The following COPG2 variants were observed in gnomAD, a reference collection of about 807,000 sequenced individuals.
COPG2 encodes the protein coatomer subunit gamma-2.
COPG2 carries 37 observed loss-of-function variants against 46.3 expected under a neutral mutation model. The ratio of observed to expected loss-of-function variants is 0.80; its 90% CI spans 0.61 to 1.05. The LOEUF is 1.05. Ranked by LOEUF, COPG2 falls within the 50% of genes least tolerant of loss-of-function variation. The pLI is 0.00. For synonymous variants in COPG2, 159 were observed against 129.7 expected, an observed-to-expected ratio of 1.23 and a Z score of -1.53; for missense variants, 427 against 387.8, an observed-to-expected ratio of 1.10 and a Z score of -0.85.
chr7:130,657,602 A>T (rs1421045761), intron 4 of COPG2, among the ~76,000 whole-genome samples: 1 of 152,210 alleles, frequency 6.6e-6, no homozygotes, highest in East Asian at 1.9e-4. Flanking sequence ...AACATAAGCC[A>T]TATACTGAGA....
At chr7:130,631,172 CTTT>C (rs55966949) in intron 5 of COPG2, among the ~76,000 whole-genome samples, 14 of 102,310 alleles carry the variant, frequency 1.4e-4, no homozygotes, top group Non-Finnish European at 2.1e-4. Context: ...TTTTTCTTTT[CTTT>C]TTTTTTTTTT....
At chr7:130,638,458 C>T (rs2116192415) in intron 5 of COPG2, among the ~76,000 whole-genome samples, 1 of 152,322 alleles carries the variant, frequency 6.6e-6, no homozygotes, top group South Asian at 2.1e-4. Flanking sequence ...GGTCTGGCTA[C>T]AGAGGCTTTG....
chr7:130,620,028 T>C (rs1795011197), intron 5 of COPG2, among the ~76,000 whole-genome samples: 1 of 152,192 alleles, frequency 6.6e-6, no homozygotes, highest in African/African-American at 2.4e-5. Context: ...AGTCATTCTG[T>C]TACAATTTTT....
chr7:130,548,866 C>T (rs967708255), intron 18 of COPG2, among the ~76,000 whole-genome samples: 7 of 151,516 alleles, frequency 4.6e-5, no homozygotes, highest in Non-Finnish European at 5.9e-5. Context: ...TGCAGCGAGC[C>T]GGTATTGTGC....
At chr7:130,596,715 C>G (rs781825157) in intron 9 of COPG2, among the ~76,000 whole-genome samples, 62 of 152,260 alleles carry the variant, frequency 4.1e-4, no homozygotes, top group Admixed American at 1.9e-3. Flanking sequence ...CACTGCAGTC[C>G]ACCAGTATCA....
chr7:130,619,267 C>G (rs1384111482), intron 5 of COPG2, among the ~76,000 whole-genome samples: 1 of 152,092 alleles, frequency 6.6e-6, no homozygotes, highest in Non-Finnish European at 1.5e-5. Context: ...TTCAATTTTA[C>G]AAAAGTTCAA....
chr7:130,586,636 G>C, intron 9 of COPG2, among the ~76,000 whole-genome samples: 1 of 151,762 alleles, frequency 6.6e-6, no homozygotes, highest in East Asian at 1.9e-4. Context: ...CTAATTTTTT[G>C]GATTTTTAGT....
chr7:130,549,567 T>C (rs1261189567), intron 17 of COPG2, among the ~76,000 whole-genome samples, 191 bp from the exon 18 acceptor site: 1 of 152,170 alleles, frequency 6.6e-6, no homozygotes, highest in East Asian at 1.9e-4. Flanking sequence ...TGAACATATA[T>C]TGTGGAATCA....
At chr7:130,555,217 T>C (rs1793602813) in intron 12 of COPG2, 85 bp from the exon 13 acceptor site, 1 of 392,662 alleles carries the variant, frequency 2.5e-6, no homozygotes, top group Non-Finnish European at 4.5e-6. Flanking sequence ...ACATTCATCT[T>C]TATAATTATG....
Position 130,513,302 on chromosome 7 carries a change from AAAAAAAATATATAT to A in COPG2, c.2150-4657_2150-4644del, listed in dbSNP as rs1481848071. Among the ~76,000 whole-genome samples, 11 of 38,276 alleles carry A rather than the reference AAAAAAAATATATAT, an allele frequency of 2.9e-4. 1 individual carries two copies. The highest frequency in any genetic ancestry group is 1.2e-3 in the African/African-American group (10 of 8,110). The allele number at this position is 38,276 out of a possible 152,430, so 25.1% of individuals were successfully genotyped here. Reference sequence around the variant, plus strand: ...AAATAATTCTGTCTAAAAAAAAAAAAAAAAAAATATATATATATATATATATATATATATATATA... The same window carrying A: ...AAATAATTCTGTCTAAAAAAAAAAAAATATATATATATATATATATATATA... On this transcript the variant is annotated intron_variant, in intron 20 of 23. Transcript: ENST00000425248.
chr7:130,612,101 G>A (rs1266925616), intron 8 of COPG2, 51 bp downstream of exon 8: 1 of 1,328,550 alleles, frequency 7.5e-7, no homozygotes, highest in African/African-American at 1.4e-5. Flanking sequence ...TACAATACAG[G>A]TTTAAAGAAT....
intron 8 of COPG2, 118 bp from the exon 9 acceptor site, chr7:130,611,228 T>A: frequency 4.5e-6 from 4 of 897,264 alleles, no homozygotes; most frequent in Non-Finnish European, 6.6e-6. Flanking sequence ...AGGTCACATG[T>A]ACACAAATAT....
At chr7:130,597,231 A>T (rs1794546393) in intron 9 of COPG2, among the ~76,000 whole-genome samples, 1 of 152,282 alleles carries the variant, frequency 6.6e-6, no homozygotes. Context: ...CCCACAGTGC[A>T]TTTCCTACAT....
At chr7:130,629,940 A>G (rs2116540967) in intron 5 of COPG2, among the ~76,000 whole-genome samples, 1 of 148,860 alleles carries the variant, frequency 6.7e-6, no homozygotes, top group South Asian at 2.1e-4. Context: ...TTTTTCAGAC[A>G]GAGTTTCGCT....
intron 20 of COPG2, among the ~76,000 whole-genome samples, chr7:130,529,984 T>C (rs1483350673): frequency 2.0e-5 from 3 of 152,056 alleles, no homozygotes; most frequent in African/African-American, 4.8e-5. Flanking sequence ...GTGGGAGATG[T>C]TTAGGTCAGT....
chr7:130,648,109 T>C (rs954773999), intron 5 of COPG2, among the ~76,000 whole-genome samples: 1 of 152,184 alleles, frequency 6.6e-6, no homozygotes, highest in Non-Finnish European at 1.5e-5. Context: ...CATTTGCATA[T>C]ATTCTTTTGT....
Position 130,644,800 on chromosome 7 carries a change from G to A in COPG2, c.323+8069C>T, listed in dbSNP as rs533206281. Among the ~76,000 whole-genome samples, 74 of 152,270 alleles carry A rather than the reference G, an allele frequency of 4.9e-4. 1 individual carries two copies. Among genetic ancestry groups the A allele is most frequent in the African/African-American group, 1.7e-3 (70 of 41,564 alleles). ...ATGCTGGCCGGGCGCAGTGGCTCAC[G>A]CCTGTAATCCCAGCATTTTGGGAGG... On this transcript the variant is annotated intron_variant, in intron 5 of 23. Transcript: ENST00000425248.
intron 20 of COPG2, chr7:130,511,439 A>T: frequency 1.9e-6 from 1 of 520,000 alleles, no homozygotes; most frequent in Middle Eastern, 3.2e-4. Flanking sequence ...AAAATAAGCA[A>T]TACACACCTA....
At chr7:130,614,785 C>T (rs1554452628) in intron 6 of COPG2, among the ~76,000 whole-genome samples, 5 of 152,112 alleles carry the variant, frequency 3.3e-5, no homozygotes, top group Admixed American at 2.6e-4. Flanking sequence ...AGCTGGGCAT[C>T]GGCCTGGTTT....
Sources: allele counts gnomAD v4.1 joint callset (sites outside exome capture counted in the v4.1 genomes callset), GRCh38; gene constraint gnomAD v4.1.1; transcripts MANE v1.5; gene names NCBI Gene and HGNC (gene_info 2026-07-23, HGNC 2026-07-21).